Variants in FRMPD3 observed in about 807,000 individuals in gnomAD.
FRMPD3 encodes FERM and PDZ domain-containing protein 3.
FRMPD3 carries 42 observed loss-of-function variants against 97.9 expected under a neutral mutation model. That is an observed-to-expected ratio of 0.43 (90% CI 0.34 to 0.55). FRMPD3 has a LOEUF of 0.55. FRMPD3 is among the 20% of genes least tolerant of loss of function. FRMPD3 has a pLI of 0.03. For missense variants in FRMPD3, 1,303 were observed against 1,457.7 expected, an observed-to-expected ratio of 0.89 and a Z score of 1.73; for synonymous variants, 577 against 581.1, an observed-to-expected ratio of 0.99 and a Z score of 0.10.
At chrX:107,529,517 G>A (rs1922842151) in intron 2 of FRMPD3, among the ~76,000 whole-genome samples, 1 of 110,676 alleles carries the variant, frequency 9.0e-6, no homozygotes, top group African/African-American at 3.3e-5. Flanking sequence ...CCTGGGAGGG[G>A]CAAGTTACAG....
At chrX:107,497,121 G>T (rs1350355212) in intron 1 of FRMPD3, among the ~76,000 whole-genome samples, 1 of 112,468 alleles carries the variant, frequency 8.9e-6, no homozygotes, top group Non-Finnish European at 1.9e-5. Context: ...TTTGATGAGG[G>T]AGTTGAGTAC....
intron 12 of FRMPD3, among the ~76,000 whole-genome samples, chrX:107,575,731 A>C (rs938189639): frequency 1.8e-5 from 2 of 112,520 alleles, no homozygotes; most frequent in Non-Finnish European, 3.8e-5. Context: ...GATTACAGGC[A>C]TGAGCCACCG....
chrX:107,552,358 G>A (rs1921898825), intron 6 of FRMPD3, among the ~76,000 whole-genome samples: 1 of 112,278 alleles, frequency 8.9e-6, no homozygotes, highest in South Asian at 3.7e-4. Flanking sequence ...TGTCACTTTT[G>A]CTTTTGTTCA....
intron 2 of FRMPD3, among the ~76,000 whole-genome samples, chrX:107,529,595 A>C (rs1297797443): frequency 9.0e-6 from 1 of 111,341 alleles, no homozygotes; most frequent in Non-Finnish European, 1.9e-5. Context: ...AAAAAAATAA[A>C]AAAAGAAAAG....
chrX:107,512,591 C>T (rs1396472364), intron 1 of FRMPD3, among the ~76,000 whole-genome samples: 1 of 111,274 alleles, frequency 9.0e-6, no homozygotes, highest in Non-Finnish European at 1.9e-5. Flanking sequence ...GTCTTCCCCT[C>T]TTGACTGTGT....
At chrX:107,496,686 G>A (rs993303519) in intron 1 of FRMPD3, among the ~76,000 whole-genome samples, 7 of 111,516 alleles carry the variant, frequency 6.3e-5, no homozygotes, top group African/African-American at 2.3e-4. Flanking sequence ...TGGGGGCTTT[G>A]GGTCTGGGTG....
At chrX:107,502,658 A>G (rs986963685) in intron 1 of FRMPD3, among the ~76,000 whole-genome samples, 1 of 111,942 alleles carries the variant, frequency 8.9e-6, no homozygotes, top group African/African-American at 3.3e-5. Flanking sequence ...AAACCAAAAC[A>G]ATGACAACAA....
intron 4 of FRMPD3, among the ~76,000 whole-genome samples, chrX:107,543,752 G>A (rs1461175013): frequency 9.3e-6 from 1 of 107,674 alleles, no homozygotes; most frequent in Non-Finnish European, 1.9e-5. Flanking sequence ...GGAGACAGAG[G>A]TTGCAGTGAG....
chrX:107,547,687 A>C (rs2147576616), intron 5 of FRMPD3, among the ~76,000 whole-genome samples: 1 of 111,596 alleles, frequency 9.0e-6, no homozygotes, highest in African/African-American at 3.3e-5. Context: ...GGACCATAGC[A>C]GCCTCATCAC....
Position 107,602,084 on chromosome X carries a change from G to A in FRMPD3, c.4045G>A (p.Val1349Ile), listed in dbSNP as rs760752236. 8.4e-5 allele frequency: 101 copies of A among 1,204,239 alleles called. No individual in the cohort carries two copies. The highest frequency in any genetic ancestry group is 1.1e-4 in the Non-Finnish European group (98 of 892,534). ...CGTGAGCCTCAGCAGCCCCATCAAT[G>A]TCCAGCGCATTCGTTCTACCAGCCT... The part of the protein sequence containing the change: ...PGVSLSSPIN[V>I]QRIRSTSLES... The change falls in exon 15 of 15, where the codon GTC becomes ATC. Residue 1349 changes from valine to isoleucine, a missense_variant. By Grantham distance (29) the Val-to-Ile change is conservative. This residue lies in a region of FRMPD3 where 764 missense variants were observed against 820.2 expected (regional missense o/e 0.93). Coordinates refer to ENST00000683843, the MANE Select transcript of FRMPD3 (RefSeq NM_001388459.1).
intron 4 of FRMPD3, among the ~76,000 whole-genome samples, chrX:107,534,641 C>CTCT (rs1347894510): frequency 9.0e-6 from 1 of 111,350 alleles, no homozygotes; most frequent in Non-Finnish European, 1.9e-5. Flanking sequence ...GCTCCCAGAC[C>CTCT]TCTTCTGCAT....
intron 1 of FRMPD3, among the ~76,000 whole-genome samples, chrX:107,488,936 T>G: frequency 9.4e-6 from 1 of 106,412 alleles, no homozygotes; most frequent in Non-Finnish European, 1.9e-5. Context: ...CTGCACCCAT[T>G]AACTCGTCAT....
At chrX:107,463,479 C>G (rs987240812) in intron 1 of FRMPD3, among the ~76,000 whole-genome samples, 1 of 112,215 alleles carries the variant, frequency 8.9e-6, no homozygotes, top group African/African-American at 3.2e-5. Flanking sequence ...GCTATTGTTG[C>G]GAGAACTCAA....
At chrX:107,514,175 T>C (rs902149783) in intron 1 of FRMPD3, among the ~76,000 whole-genome samples, 10 of 111,364 alleles carry the variant, frequency 9.0e-5, no homozygotes, top group African/African-American at 2.6e-4. Flanking sequence ...GAGGGCCAGA[T>C]TGTAGGCAAG....
At chrX:107,501,025 G>A (rs761890117) in intron 1 of FRMPD3, among the ~76,000 whole-genome samples, 2 of 111,162 alleles carry the variant, frequency 1.8e-5, no homozygotes, top group South Asian at 7.7e-4. Flanking sequence ...AGACCCCATG[G>A]CTTCCTTAAT....
chrX:107,497,951 A>G (rs1020627226), intron 1 of FRMPD3, among the ~76,000 whole-genome samples: 4 of 111,069 alleles, frequency 3.6e-5, no homozygotes, highest in Non-Finnish European at 7.6e-5. Flanking sequence ...TTGTCACTCT[A>G]TGGGAACTCA....
intron 5 of FRMPD3, 69 bp from the exon 6 acceptor site, chrX:107,549,980 C>T: frequency 1.5e-6 from 1 of 683,674 alleles, no homozygotes; most frequent in South Asian, 2.3e-5. Flanking sequence ...CTTTTTCACA[C>T]CCTTCCTCTG....
chrX:107,530,958 C>A (rs991385272), intron 3 of FRMPD3, among the ~76,000 whole-genome samples: 1 of 111,074 alleles, frequency 9.0e-6, no homozygotes, highest in Admixed American at 9.6e-5. Context: ...AGGAAGAGAA[C>A]CTCCCAATGT....
intron 1 of FRMPD3, among the ~76,000 whole-genome samples, chrX:107,469,149 A>G (rs1921001210): frequency 8.9e-6 from 1 of 111,740 alleles, no homozygotes; most frequent in Non-Finnish European, 1.9e-5. Context: ...AAACTGCTGT[A>G]GGTTTTTGAG....
Sources: allele counts gnomAD v4.1 joint callset (sites outside exome capture counted in the v4.1 genomes callset), GRCh38; gene constraint gnomAD v4.1.1; regional missense constraint gnomAD v4.1.1; transcripts MANE v1.5; gene names NCBI Gene and HGNC (gene_info 2026-07-23, HGNC 2026-07-21).